Variants in WRNIP1 observed in about 807,000 individuals in gnomAD.
WRNIP1 encodes ATPase WRNIP1.
WRNIP1 carries 41 observed loss-of-function variants against 56.1 expected under a neutral mutation model. The observed-to-expected ratio is 0.73, with a 90% CI of 0.57 to 0.95. The LOEUF is 0.95. Ranked by LOEUF, WRNIP1 falls within the 40% of genes least tolerant of loss-of-function variation. WRNIP1 has a pLI of 0.00. For missense variants in WRNIP1, 1,170 were observed against 939.4 expected (o/e 1.25, Z -3.21); for synonymous variants, 547 against 398.1 (o/e 1.37, Z -4.45).
rs1453046693 is a variant in WRNIP1 at position 2,765,958 on chromosome 6, C to T, written c.336C>T (p.Asp112=). ...GGETESRESY[D]APPTPSGARL... is the part of the protein sequence containing the mutation. ...AGACCGAGAGCCGCGAGAGCTACGACGCGCCGCCCACACCCAGCGGCGCCC... is the reference window on the plus strand; with the variant it reads ...AGACCGAGAGCCGCGAGAGCTACGATGCGCCGCCCACACCCAGCGGCGCCC... The change falls in exon 1 of 7, where the codon GAC becomes GAT. Residue 112 remains aspartate, a synonymous_variant. Coordinates refer to ENST00000380773, the MANE Select transcript of WRNIP1 (RefSeq NM_020135.3). 1 of 1,429,050 alleles carries T rather than the reference C, an allele frequency of 7.0e-7. No individual in the cohort carries two copies. 88.5% of individuals were successfully genotyped at this position (1,429,050 alleles called of 1,614,324 possible).
intron 3 of WRNIP1, chr6:2,774,389 C>G: frequency 3.3e-6 from 2 of 610,502 alleles, no homozygotes; most frequent in Non-Finnish European, 4.1e-6. Flanking sequence ...AGGCGATGCT[C>G]TCATCCAGCA....
intron 3 of WRNIP1, chr6:2,774,064 A>G: frequency 1.0e-6 from 1 of 985,434 alleles, no homozygotes; most frequent in Non-Finnish European, 1.2e-6. Flanking sequence ...GTGCCATTGA[A>G]TAGAAAGAAA....
In WRNIP1 at chr6:2,779,300, C is replaced by T. The variant is rs368791480; in HGVS notation, c.1294C>T (p.Leu432=). The stretch of plus-strand genomic sequence containing the variant: ...CATAGAGGATAAAGCAGTAGACACC[C>T]TGGCTTACCTCAGTGACGGTGACGC... The part of the protein sequence containing the change: ...MFIEDKAVDT[L]AYLSDGDARA... Residue 432 remains leucine, a synonymous_variant, in exon 4 of 7, where the codon CTG becomes TTG. Transcript: ENST00000380773. 3.7e-6 allele frequency: 6 copies of T among 1,614,182 alleles called. No homozygotes were observed. The highest frequency in any genetic ancestry group is 4.2e-6 in the Non-Finnish European group (5 of 1,180,044).
Position 2,765,944 on chromosome 6 carries a change from C to A in WRNIP1, c.322C>A (p.Arg108Ser). Reference protein sequence around the residue: ...EGDDGGETESRESYDAPPTPS... With the variant: ...EGDDGGETESSESYDAPPTPS... ...CGACGACGGCGGCGAGACCGAGAGC[C>A]GCGAGAGCTACGACGCGCCGCCCAC... is the stretch of plus-strand genomic sequence containing the variant. Residue 108 changes from arginine (R) to serine (S), a missense_variant, in exon 1 of 7, where the codon CGC becomes AGC. Physicochemically the swap from Arg to Ser is moderately radical, Grantham distance 110. Coordinates refer to ENST00000380773, the MANE Select transcript of WRNIP1 (RefSeq NM_020135.3). 1 of 1,443,138 alleles carries A rather than the reference C, an allele frequency of 6.9e-7. No individual in the cohort carries two copies. 89.4% of individuals were successfully genotyped at this position (1,443,138 alleles called of 1,614,324 possible). A position where few individuals can be genotyped will look rare whatever the true frequency, so the allele number is the denominator to read the frequency against.
rs1379336097 is a variant in WRNIP1 at position 2,773,340 on chromosome 6, C to T, written c.1256+2979C>T. ...GGGAGCAGGTCCACTTCCAGTGCCA[C>T]GCTTATACGCCAAGTGCAGTGGGCG... On this transcript the variant is annotated intron_variant, in intron 3 of 6. Transcript: ENST00000380773. The T allele has an allele frequency of 1.2e-5, 12 of 985,276 alleles. No homozygotes were observed. The South Asian group carries it at 2.3e-4, about 19-fold the overall frequency. The allele number at this position is 985,276 out of a possible 1,614,324, so 61.0% of individuals were successfully genotyped here.
chr6:2,783,798 T>C (rs971437418), intron 5 of WRNIP1, among the ~76,000 whole-genome samples: 6 of 152,096 alleles, frequency 3.9e-5, no homozygotes, highest in Non-Finnish European at 7.4e-5. Flanking sequence ...AAAGTCACCA[T>C]TTTCTGTTTC....
At chr6:2,774,919 A>G (rs1301782792) in intron 3 of WRNIP1, among the ~76,000 whole-genome samples, 3 of 152,150 alleles carry the variant, frequency 2.0e-5, no homozygotes, top group Non-Finnish European at 4.4e-5. Flanking sequence ...CGCTGTTGAT[A>G]CCAAAGCAGT....
chr6:2,783,553 A>G lies in WRNIP1; in HGVS notation c.1634A>G (p.Glu545Gly), dbSNP rs1765626626. 8 of 1,599,488 alleles carry G rather than the reference A, an allele frequency of 5.0e-6. No individual in the cohort carries two copies. Among genetic ancestry groups the G allele is most frequent in the Non-Finnish European group, 6.8e-6 (8 of 1,171,802 alleles). ...VARRLVRFAS[E>G]DIGLADPSAL... Reference sequence around the variant, plus strand: ...CGGAGGCTTGTCAGGTTTGCCAGCGAGGACATAGGTGAGTGTGATGGGAGG... The same window carrying G: ...CGGAGGCTTGTCAGGTTTGCCAGCGGGGACATAGGTGAGTGTGATGGGAGG... Residue 545 changes from glutamate to glycine, a missense_variant, in exon 5 of 7, where the codon GAG becomes GGG. Coordinates refer to ENST00000380773, the MANE Select transcript of WRNIP1 (RefSeq NM_020135.3).
intron 3 of WRNIP1, chr6:2,773,767 C>T (rs921738603): frequency 4.6e-6 from 4 of 872,630 alleles, no homozygotes; most frequent in Admixed American, 7.2e-5. Context: ...CAAAAACACT[C>T]CTAAAGAATC....
chr6:2,770,809 TAA>T (rs1225348859), intron 3 of WRNIP1, among the ~76,000 whole-genome samples: 2 of 147,146 alleles, frequency 1.4e-5, no homozygotes, highest in African/African-American at 4.9e-5. Flanking sequence ...AGCATTTTGT[TAA>T]AAAAAAAAAA....
chr6:2,786,948 A>T lies in WRNIP1; in HGVS notation c.*1666A>T, dbSNP rs1765728433. 1 of 152,260 alleles carries T rather than the reference A, an allele frequency of 6.6e-6. No individual in the cohort carries two copies. Among genetic ancestry groups the T allele is most frequent in the Non-Finnish European group, 1.5e-5 (1 of 68,108 alleles). The allele number at this position is 152,260 out of a possible 1,614,324, so 9.4% of individuals were successfully genotyped here. A position where few individuals can be genotyped will look rare whatever the true frequency, so the allele number is the denominator to read the frequency against. On this transcript the variant is annotated 3_prime_UTR_variant, in exon 7 of 7. Transcript: ENST00000380773. Reference sequence around the variant, plus strand: ...ACTCTTGCTCTTTTTCCCAGGCTGGAGGGCAATGATGCGATCTCGGCTCAC... The same window carrying T: ...ACTCTTGCTCTTTTTCCCAGGCTGGTGGGCAATGATGCGATCTCGGCTCAC...
chr6:2,781,574 C>T (rs1765562396), intron 4 of WRNIP1, among the ~76,000 whole-genome samples: 1 of 152,146 alleles, frequency 6.6e-6, no homozygotes, highest in South Asian at 2.1e-4. Flanking sequence ...TTGTATATGC[C>T]ACCTAGTTCA....
At chr6:2,772,804 T>C (rs542451908) in intron 3 of WRNIP1, among the ~76,000 whole-genome samples, 5 of 152,348 alleles carry the variant, frequency 3.3e-5, no homozygotes, top group East Asian at 1.9e-4. Context: ...TTTAGTTGTT[T>C]TAGGTAAAAT....
Position 2,765,726 on chromosome 6 carries a change from A to G in WRNIP1, c.104A>G (p.His35Arg). 1 of 1,533,784 alleles carries G rather than the reference A, an allele frequency of 6.5e-7. No individual in the cohort carries two copies. Among genetic ancestry groups the G allele is most frequent in the Non-Finnish European group, 8.7e-7 (1 of 1,148,662 alleles). ...QMMPAAHINS[H>R]LDRCLLLHPA... ...ATGCCCGCCGCGCACATCAACTCGC[A>G]CCTGGACCGCTGTCTGCTGCTCCAC... Residue 35 changes from histidine (H) to arginine (R), a missense_variant, in exon 1 of 7, where the codon CAC becomes CGC. Transcript: ENST00000380773.
At chr6:2,772,229 T>TAG (rs1765311058) in intron 3 of WRNIP1, among the ~76,000 whole-genome samples, 1 of 152,252 alleles carries the variant, frequency 6.6e-6, no homozygotes, top group South Asian at 2.1e-4. Flanking sequence ...AATTAAGATT[T>TAG]AGTTATTGAA....
At chr6:2,784,755 T>C (rs1765669139) in intron 6 of WRNIP1, among the ~76,000 whole-genome samples, 1 of 151,828 alleles carries the variant, frequency 6.6e-6, no homozygotes, top group Admixed American at 6.6e-5. Context: ...TTAAGAAAAA[T>C]TTAATGTAGT....
At chr6:2,776,009 T>C (rs1226289829) in intron 3 of WRNIP1, among the ~76,000 whole-genome samples, 1 of 152,222 alleles carries the variant, frequency 6.6e-6, no homozygotes, top group Non-Finnish European at 1.5e-5. Flanking sequence ...AATATATGCT[T>C]AATTTTAATA....
chr6:2,779,141 T>G (rs1765499989), intron 3 of WRNIP1, 122 bp from the exon 4 acceptor site: 1 of 994,852 alleles, frequency 1.0e-6, no homozygotes, highest in Admixed American at 2.4e-5. Flanking sequence ...AAGGTGAGAA[T>G]AAGAGGCAAA....
chr6:2,769,076 A>G (rs1326521218), intron 2 of WRNIP1, among the ~76,000 whole-genome samples, 194 bp downstream of exon 2: 2 of 152,208 alleles, frequency 1.3e-5, no homozygotes, highest in African/African-American at 4.8e-5. Context: ...TGCTTTCTCT[A>G]TCTGATAAAT....
Sources: gnomAD v4.1 joint callset for allele counts (sites outside exome capture counted in the v4.1 genomes callset) on GRCh38, gnomAD v4.1.1 for gene constraint, MANE v1.5 for transcripts, NCBI Gene and HGNC (gene_info 2026-07-23, HGNC 2026-07-21) for gene names.